The following PRKAA2 variants were observed in gnomAD, a reference collection of about 807,000 sequenced individuals.
The protein encoded by PRKAA2 is protein kinase AMP-activated catalytic subunit alpha 2.
In PRKAA2, 40 loss-of-function variants were observed where a neutral mutation model predicts 56.3. The ratio of observed to expected loss-of-function variants is 0.71; its 90% CI spans 0.55 to 0.92. The LOEUF is 0.92. Among genes scored for constraint, PRKAA2 ranks in the 40% least tolerant of loss-of-function variants. The pLI is 0.00. For synonymous variants in PRKAA2, 214 were observed against 234.2 expected, an observed-to-expected ratio of 0.91 and a Z score of 0.79; for missense variants, 542 against 686.9, an observed-to-expected ratio of 0.79 and a Z score of 2.36.
chr1:56,693,234 T>G lies in PRKAA2; in HGVS notation c.476-531T>G, dbSNP rs183314484. ...TCTTCCTTCTCTAAATCATGAAACT[T>G]ATTTATTACTATAGCTCAGCTAGAT... On this transcript the variant is annotated intron_variant, in intron 4 of 8. Coordinates refer to ENST00000371244, the MANE Select transcript of PRKAA2 (RefSeq NM_006252.4). Among the ~76,000 whole-genome samples, 6 of 152,220 alleles carry G rather than the reference T, an allele frequency of 3.9e-5. 1 individual carries two copies. The highest frequency in any genetic ancestry group is 2.6e-4 in the Admixed American group (4 of 15,296).
At chr1:56,688,037 T>C (rs1274612212) in intron 2 of PRKAA2, among the ~76,000 whole-genome samples, 3 of 152,222 alleles carry the variant, frequency 2.0e-5, no homozygotes, top group Admixed American at 2.0e-4. Flanking sequence ...TGATTCATGA[T>C]TGAATTTCTT....
chr1:56,698,613 C>A (rs578055172), intron 6 of PRKAA2, among the ~76,000 whole-genome samples: 1 of 152,214 alleles, frequency 6.6e-6, no homozygotes, highest in East Asian at 1.9e-4. Flanking sequence ...TTATACTATT[C>A]CAAATTGTTA....
In PRKAA2 at chr1:56,691,559, T is replaced by C; in HGVS notation, c.330+72T>C. On this transcript the variant is annotated intron_variant, in intron 3 of 8. Coordinates refer to ENST00000371244, the MANE Select transcript of PRKAA2 (RefSeq NM_006252.4). ...AGGAAAGTATTGGGACATAGAACAA[T>C]GCAAAGATATCTTCAAGGTTGAAGT... The C allele has an allele frequency of 2.5e-6, 3 of 1,187,044 alleles. No homozygotes were observed. In the East Asian group the frequency reaches 7.7e-5, roughly 31 times the overall value. 73.5% of individuals were successfully genotyped at this position (1,187,044 alleles called of 1,614,324 possible). A position where few individuals can be genotyped will look rare whatever the true frequency, so the allele number is the denominator to read the frequency against.
At chr1:56,670,176 T>C (rs1644065051) in intron 1 of PRKAA2, among the ~76,000 whole-genome samples, 1 of 152,202 alleles carries the variant, frequency 6.6e-6, no homozygotes, top group African/African-American at 2.4e-5. Context: ...CTCAGCAAAA[T>C]TGGAAATTTG....
chr1:56,669,070 T>C (rs1168466566), intron 1 of PRKAA2, among the ~76,000 whole-genome samples: 3 of 152,234 alleles, frequency 2.0e-5, no homozygotes, highest in Non-Finnish European at 4.4e-5. Flanking sequence ...AGCTTTGATC[T>C]ACTCCAACCT....
At chr1:56,646,896 A>G (rs1267379662) in intron 1 of PRKAA2, among the ~76,000 whole-genome samples, 1 of 152,252 alleles carries the variant, frequency 6.6e-6, no homozygotes. Flanking sequence ...ATGAGGATAC[A>G]GCAAGGAAAA....
intron 1 of PRKAA2, among the ~76,000 whole-genome samples, chr1:56,658,366 G>A (rs1160215305): frequency 6.6e-6 from 1 of 152,074 alleles, no homozygotes; most frequent in African/African-American, 2.4e-5. Context: ...TGAAGCATGT[G>A]GAATAAGAGA....
At chr1:56,673,205 CT>C (rs1355135428) in intron 1 of PRKAA2, among the ~76,000 whole-genome samples, 1 of 151,994 alleles carries the variant, frequency 6.6e-6, no homozygotes, top group Non-Finnish European at 1.5e-5. Context: ...GACCCCATCT[CT>C]ACAAAGATTT....
chr1:56,697,554 A>G (rs181668309), intron 6 of PRKAA2, among the ~76,000 whole-genome samples: 176 of 152,302 alleles, frequency 1.2e-3, no homozygotes, highest in African/African-American at 4.2e-3. Flanking sequence ...ACTTAGCAGG[A>G]AAAAAACTCT....
intron 1 of PRKAA2, among the ~76,000 whole-genome samples, chr1:56,655,265 T>TAC (rs1255755451): frequency 0.49 from 29,295 of 59,434 alleles, 6,243 homozygotes; most frequent in East Asian, 0.67. Context: ...TGTATTTATA[T>TAC]ATCTATATAT....
At chr1:56,702,216 T>TG (rs1432047311) in intron 6 of PRKAA2, among the ~76,000 whole-genome samples, 1 of 152,060 alleles carries the variant, frequency 6.6e-6, no homozygotes, top group African/African-American at 2.4e-5. Context: ...CCCTAGTAGC[T>TG]GGGATTATAG....
In PRKAA2 at chr1:56,704,331, A is replaced by T. The variant is rs55792669; in HGVS notation, c.1149A>T (p.Pro383=). The change falls in exon 7 of 9, where the codon CCA becomes CCT. Residue 383 remains proline, a synonymous_variant. Transcript: ENST00000371244. ...LIADSPKARC[P]LDALNTTKPK... ...CAGACAGCCCCAAAGCAAGATGTCC[A>T]TTGGATGCACTGAATACGACTAAGC... is the stretch of plus-strand genomic sequence containing the variant. 1 of 1,614,180 alleles carries T rather than the reference A, an allele frequency of 6.2e-7. No homozygotes were observed.
intron 2 of PRKAA2, among the ~76,000 whole-genome samples, chr1:56,689,588 G>A (rs2100421360): frequency 6.6e-6 from 1 of 152,140 alleles, no homozygotes; most frequent in African/African-American, 2.4e-5. Flanking sequence ...GCATGGTGGT[G>A]CATGCCTGTA....
At position 56,706,118 on chromosome 1, in the gene PRKAA2, A is replaced by G; in HGVS notation, c.1320A>G (p.Val440=). The change falls in exon 8 of 9, where the codon GTA becomes GTG. Residue 440 remains valine (V), a synonymous_variant. Coordinates refer to ENST00000371244, the MANE Select transcript of PRKAA2 (RefSeq NM_006252.4). Reference sequence around the variant, plus strand: ...TAGTGAATGCATACCATCTTCGTGTAAGAAGAAAAAATCCAGTGACTGGCA... The same window carrying G: ...TAGTGAATGCATACCATCTTCGTGTGAGAAGAAAAAATCCAGTGACTGGCA... ...WKVVNAYHLR[V]RRKNPVTGNY... 1 of 1,611,788 alleles carries G rather than the reference A, an allele frequency of 6.2e-7. No homozygotes were observed. The highest frequency in any genetic ancestry group is 1.3e-5 in the African/African-American group (1 of 74,986).
chr1:56,711,763 G>C lies in PRKAA2; in HGVS notation c.*4050G>C, dbSNP rs545147084. ...TTTTATAACTCCTAAAATGAGAAAG[G>C]TAGATTTTAACACTTCTAAGGTACC... On this transcript the variant is annotated 3_prime_UTR_variant, in exon 9 of 9. Transcript: ENST00000371244. 1.3e-5 allele frequency: 2 copies of C among 152,194 alleles called. No homozygotes were observed. The highest frequency in any genetic ancestry group is 1.9e-4 in the East Asian group (1 of 5,188). 9.4% of individuals were successfully genotyped at this position (152,194 alleles called of 1,614,324 possible).
At chr1:56,673,003 A>G (rs375044207) in intron 1 of PRKAA2, among the ~76,000 whole-genome samples, 18 of 152,142 alleles carry the variant, frequency 1.2e-4, no homozygotes, top group African/African-American at 3.6e-4. Flanking sequence ...GAATATGAGG[A>G]CAGTGTAGAA....
At chr1:56,651,986 C>T (rs571025584) in intron 1 of PRKAA2, among the ~76,000 whole-genome samples, 6 of 149,830 alleles carry the variant, frequency 4.0e-5, no homozygotes, top group Non-Finnish European at 5.9e-5. Context: ...AGACTACAGG[C>T]GCCTGCCACC....
At chr1:56,651,162 T>A (rs760729575) in intron 1 of PRKAA2, among the ~76,000 whole-genome samples, 44 of 152,188 alleles carry the variant, frequency 2.9e-4, no homozygotes, top group Admixed American at 2.0e-4. Context: ...TAAACCGATT[T>A]TTAAAAGATT....
chr1:56,684,876 A>T (rs1357817493), intron 2 of PRKAA2, among the ~76,000 whole-genome samples: 3 of 152,168 alleles, frequency 2.0e-5, no homozygotes, highest in East Asian at 1.9e-4. Context: ...TTAGCTTTTT[A>T]AAATGGGAGA....
Sources: gnomAD v4.1 joint callset for allele counts (sites outside exome capture counted in the v4.1 genomes callset) on GRCh38, gnomAD v4.1.1 for gene constraint, MANE v1.5 for transcripts, NCBI Gene and HGNC (gene_info 2026-07-23, HGNC 2026-07-21) for gene names.